Variants in SLC12A2 observed in about 807,000 individuals in gnomAD.
SLC12A2 encodes Na-K-2Cl cotransporter 1.
In SLC12A2, 67 loss-of-function variants were observed where a neutral mutation model predicts 136.3. That is an observed-to-expected ratio of 0.49 (90% CI 0.40 to 0.60). The LOEUF (loss-of-function observed/expected upper bound fraction) is 0.60. SLC12A2 is among the 20% of genes least tolerant of loss of function. The pLI is 0.00. For missense variants in SLC12A2, 1,322 were observed against 1,534.7 expected, an observed-to-expected ratio of 0.86 and a Z score of 2.32; for synonymous variants, 619 against 562.9, an observed-to-expected ratio of 1.10 and a Z score of -1.41.
At chr5:128,182,758 C>A in intron 23 of SLC12A2, 97 bp from the exon 24 acceptor site, 1 of 793,920 alleles carries the variant, frequency 1.3e-6, no homozygotes, top group Non-Finnish European at 2.0e-6. Flanking sequence ...ATATGATAGA[C>A]TGACTTTTTC....
In SLC12A2 at chr5:128,151,392, A is replaced by G; in HGVS notation, c.2259A>G (p.Lys753=). The G allele has an allele frequency of 1.9e-6, 3 of 1,607,906 alleles. No homozygotes were observed. The highest frequency in any genetic ancestry group is 2.5e-6 in the Non-Finnish European group (3 of 1,178,378). ...TGTATATTTATGTTACCTACAAAAA[A>G]CCAGGTCAGTAGCCTTTTTTGTTTA... ...LGLYIYVTYK[K]PDVNWGSSTQ... is the part of the protein sequence containing the mutation. Residue 753 remains lysine, a synonymous_variant, in exon 14 of 27, where the codon AAA becomes AAG. Coordinates refer to ENST00000262461, the MANE Select transcript of SLC12A2 (RefSeq NM_001046.3).
chr5:128,084,245 G>A lies in SLC12A2; in HGVS notation c.291G>A (p.Ala97=), dbSNP rs960187764. Reference sequence around the variant, plus strand: ...ACGCCGGGCGGGCCGCTGCTGCGGCGGCGGCGGCGGCGGCGGCAGCGGCGG... The same window carrying A: ...ACGCCGGGCGGGCCGCTGCTGCGGCAGCGGCGGCGGCGGCGGCAGCGGCGG... ...SENAGRAAAA[A]AAAAAAAAAA... The change falls in exon 1 of 27, where the codon GCG becomes GCA. Residue 97 remains alanine (A), a synonymous_variant. Coordinates refer to ENST00000262461, the MANE Select transcript of SLC12A2 (RefSeq NM_001046.3). The surrounding 1 kb of genome is among the most constrained non-coding windows in gnomAD (Gnocchi z 5.6). The A allele has an allele frequency of 6.5e-5, 80 of 1,222,320 alleles. No individual in the cohort carries two copies. Among genetic ancestry groups the A allele is most frequent in the Middle Eastern group, 2.8e-4 (1 of 3,602 alleles). 75.7% of individuals were successfully genotyped at this position (1,222,320 alleles called of 1,614,324 possible). A position where few individuals can be genotyped will look rare whatever the true frequency, so the allele number is the denominator to read the frequency against.
At chr5:128,172,351 A>G (rs1181416716) in intron 19 of SLC12A2, among the ~76,000 whole-genome samples, 1 of 145,830 alleles carries the variant, frequency 6.9e-6, no homozygotes, top group Non-Finnish European at 1.5e-5. Context: ...TGACATTAGA[A>G]CAATCCACAG....
chr5:128,153,719 AC>A (rs1304194097), intron 15 of SLC12A2, among the ~76,000 whole-genome samples: 1 of 152,096 alleles, frequency 6.6e-6, no homozygotes, highest in Non-Finnish European at 1.5e-5. Flanking sequence ...TTTTAAAGAA[AC>A]CCTGAAACGT....
In SLC12A2 at chr5:128,168,085, T is replaced by C. The variant is rs534018775; in HGVS notation, c.2723+218T>C. The C allele has an allele frequency of 4.5e-5, 17 of 375,216 alleles. 1 individual carries two copies. The South Asian group carries it at 6.2e-4, about 14-fold the overall frequency. 23.2% of individuals were successfully genotyped at this position (375,216 alleles called of 1,614,324 possible). A position where few individuals can be genotyped will look rare whatever the true frequency, so the allele number is the denominator to read the frequency against. On this transcript the variant is annotated intron_variant, in intron 18 of 26. Transcript: ENST00000262461. ...CTTTACATACATGCATATATATATA[T>C]ATACACACACACACACATATATGTA...
chr5:128,122,611 A>G (rs73784515), intron 4 of SLC12A2, among the ~76,000 whole-genome samples: 3,016 of 152,234 alleles, frequency 0.02, 107 homozygotes, highest in African/African-American at 0.068. Flanking sequence ...TTATGTACTC[A>G]TATCTTTTAC....
chr5:128,105,557 G>A (rs980812508), intron 1 of SLC12A2, among the ~76,000 whole-genome samples: 2 of 152,180 alleles, frequency 1.3e-5, no homozygotes, highest in African/African-American at 4.8e-5. Flanking sequence ...GGGAAGCCAG[G>A]TTGGCTTGCG....
At chr5:128,095,112 A>G (rs2126644976) in intron 1 of SLC12A2, among the ~76,000 whole-genome samples, 1 of 152,256 alleles carries the variant, frequency 6.6e-6, no homozygotes, top group South Asian at 2.1e-4. Context: ...CTAATTTTGC[A>G]TAGGATCCTT....
chr5:128,136,341 A>C (rs537069800), intron 7 of SLC12A2, among the ~76,000 whole-genome samples: 9 of 152,226 alleles, frequency 5.9e-5, no homozygotes, highest in Non-Finnish European at 1.0e-4. Flanking sequence ...AGTCCAGCAC[A>C]TTTGGAGGGT....
Position 128,138,892 on chromosome 5 carries a change from A to C in SLC12A2, c.1605A>C (p.Gly535=), listed in dbSNP as rs1657456144. The stretch of plus-strand genomic sequence containing the variant: ...TAATTACTACATTGGTTTACGTAGG[A>C]ATTGCAGTATCTGTAGGTAAATAGT... ...AILITTLVYV[G]IAVSVGSCVV... Residue 535 remains glycine (G), a synonymous_variant, in exon 9 of 27, where the codon GGA becomes GGC. Transcript: ENST00000262461. The C allele has an allele frequency of 1.2e-6, 2 of 1,610,918 alleles. No homozygotes were observed.
At chr5:128,148,967 G>C in intron 12 of SLC12A2, 90 bp downstream of exon 12, 1 of 1,094,038 alleles carries the variant, frequency 9.1e-7, no homozygotes, top group Non-Finnish European at 1.3e-6. Context: ...ATGTTATCTT[G>C]GTATACTAAG....
At position 128,084,074 on chromosome 5, in the gene SLC12A2, C is replaced by T. The variant is rs1402788569; in HGVS notation, c.120C>T (p.Pro40=). ...TGGAACTGCCCGGCACGGCTGTGCC[C>T]TCGGTGCCGGAGGATGCTGCGCCCG... ...ARVELPGTAV[P]SVPEDAAPAS... is the part of the protein sequence containing the mutation. Residue 40 remains proline (P), a synonymous_variant, in exon 1 of 27, where the codon CCC becomes CCT. Transcript: ENST00000262461. The surrounding 1 kb of genome is among the most constrained non-coding windows in gnomAD (Gnocchi z 5.6). The T allele has an allele frequency of 1.5e-6, 2 of 1,317,930 alleles. No individual in the cohort carries two copies. The highest frequency in any genetic ancestry group is 4.2e-5 in the South Asian group (2 of 47,234). 81.6% of individuals were successfully genotyped at this position (1,317,930 alleles called of 1,614,324 possible). A position where few individuals can be genotyped will look rare whatever the true frequency, so the allele number is the denominator to read the frequency against.
intron 4 of SLC12A2, among the ~76,000 whole-genome samples, chr5:128,125,141 C>G (rs921652272): frequency 1.1e-4 from 17 of 152,164 alleles, no homozygotes; most frequent in African/African-American, 3.6e-4. Context: ...GATTTTAACT[C>G]TTAAAACAAT....
At chr5:128,123,771 A>T (rs1309338338) in intron 4 of SLC12A2, among the ~76,000 whole-genome samples, 1 of 152,198 alleles carries the variant, frequency 6.6e-6, no homozygotes, top group African/African-American at 2.4e-5. Flanking sequence ...CATCATTAGA[A>T]AAGTAGCTTA....
chr5:128,140,722 A>T (rs976685173), intron 9 of SLC12A2, among the ~76,000 whole-genome samples: 6 of 151,904 alleles, frequency 3.9e-5, no homozygotes. Flanking sequence ...AATTTCAGGC[A>T]TAGACTATCA....
At chr5:128,095,875 G>T (rs1172256202) in intron 1 of SLC12A2, among the ~76,000 whole-genome samples, 1 of 152,062 alleles carries the variant, frequency 6.6e-6, no homozygotes, top group Non-Finnish European at 1.5e-5. Context: ...AGACCATGTT[G>T]AGTCTTTGAT....
chr5:128,091,620 G>A (rs1204151894), intron 1 of SLC12A2, among the ~76,000 whole-genome samples: 3 of 152,120 alleles, frequency 2.0e-5, no homozygotes, highest in Admixed American at 6.5e-5. Context: ...TATCAGCTGA[G>A]GCCCTCCTTT....
rs146648369 is a variant in SLC12A2, at chr5:128,130,316, A to C, written c.1049-751A>C. 2.6e-5 allele frequency among the ~76,000 whole-genome samples: 4 copies of C among 152,190 alleles called. No individual in the cohort carries two copies. The East Asian group carries it at 7.7e-4, about 29-fold the overall frequency. On this transcript the variant is annotated intron_variant, in intron 4 of 26. Coordinates refer to ENST00000262461, the MANE Select transcript of SLC12A2 (RefSeq NM_001046.3). ...GGGAAGCTGAGGTCAGGAGATTGAGACCATCCTGGCCAACATGGTGAAACC... is the reference window on the plus strand; with the variant it reads ...GGGAAGCTGAGGTCAGGAGATTGAGCCCATCCTGGCCAACATGGTGAAACC...
intron 1 of SLC12A2, among the ~76,000 whole-genome samples, chr5:128,096,653 G>T (rs1187259367): frequency 2.0e-5 from 3 of 152,030 alleles, no homozygotes; most frequent in African/African-American, 7.2e-5. Context: ...AAGCTGGGCA[G>T]GACATAGCCT....
Sources: gnomAD v4.1 joint callset for allele counts (sites outside exome capture counted in the v4.1 genomes callset) on GRCh38, gnomAD v4.1.1 for gene constraint, Gnocchi (gnomAD v3.1) non-coding constraint, MANE v1.5 for transcripts, NCBI Gene and HGNC (gene_info 2026-07-23, HGNC 2026-07-21) for gene names.